Variants in FSTL1 observed in about 807,000 individuals in gnomAD.
FSTL1 encodes follistatin like 1.
FSTL1 carries 24 observed loss-of-function variants against 45.9 expected under a neutral mutation model. That is an observed-to-expected ratio of 0.52 (90% CI 0.38 to 0.74). FSTL1 has a LOEUF of 0.74. FSTL1 is among the 30% of genes least tolerant of loss of function. The pLI is 0.00. For missense variants in FSTL1, 340 were observed against 381.8 expected, an observed-to-expected ratio of 0.89 and a Z score of 0.91; for synonymous variants, 120 against 137.6, an observed-to-expected ratio of 0.87 and a Z score of 0.89.
chr3:120,410,416 C>A (rs77017394), intron 5 of FSTL1: 11,704 of 210,728 alleles, frequency 0.056, 454 homozygotes, highest in East Asian at 0.17. Flanking sequence ...ACTCACTTAG[C>A]CTCTTTGAGC....
intron 2 of FSTL1, among the ~76,000 whole-genome samples, chr3:120,432,288 T>C (rs1937490802): frequency 6.6e-6 from 1 of 152,188 alleles, no homozygotes; most frequent in Non-Finnish European, 1.5e-5. Context: ...GCACATTCTA[T>C]TCTTCTTGAG....
chr3:120,400,883 A>G (rs1220551720), intron 9 of FSTL1, among the ~76,000 whole-genome samples: 2 of 152,212 alleles, frequency 1.3e-5, no homozygotes, highest in Non-Finnish European at 2.9e-5. Flanking sequence ...GGGTTGCTCC[A>G]TGTTATACCC....
At chr3:120,400,070 G>A (rs1936791294) in intron 9 of FSTL1, 111 bp from the exon 10 acceptor site, 1 of 752,556 alleles carries the variant, frequency 1.3e-6, no homozygotes, top group Non-Finnish European at 2.3e-6. Context: ...CTTGTGGAAG[G>A]AGAGGTGAAT....
intron 7 of FSTL1, 144 bp from the exon 8 acceptor site, chr3:120,403,498 C>A: frequency 3.4e-6 from 2 of 597,010 alleles, no homozygotes; most frequent in East Asian, 2.8e-5. Context: ...TCTCTCTACA[C>A]TGACCCAACA....
At chr3:120,422,625 A>G (rs1056045346) in intron 2 of FSTL1, among the ~76,000 whole-genome samples, 2 of 152,310 alleles carry the variant, frequency 1.3e-5, no homozygotes, top group Middle Eastern at 3.4e-3. Context: ...TGACATCCAG[A>G]TAAGAGATAT....
rs147775063 is a variant in FSTL1 at position 120,448,809 on chromosome 3, G to A, written c.63+1875C>T. 4.6e-3 allele frequency among the ~76,000 whole-genome samples: 697 copies of A among 152,302 alleles called. 3 individuals are homozygous for A. The highest frequency in any genetic ancestry group is 9.6e-3 in the Admixed American group (147 of 15,306). On this transcript the variant is annotated intron_variant, in intron 2 of 10. Transcript: ENST00000295633. Reference sequence around the variant, plus strand: ...TTTTCCCTGTGTGGAAGGGGGTTGGGAGGGGTGTGTGTCTTGCAGGCCGCC... The same window carrying A: ...TTTTCCCTGTGTGGAAGGGGGTTGGAAGGGGTGTGTGTCTTGCAGGCCGCC...
intron 2 of FSTL1, among the ~76,000 whole-genome samples, chr3:120,417,642 G>C (rs964071903): frequency 6.6e-6 from 1 of 152,152 alleles, no homozygotes; most frequent in African/African-American, 2.4e-5. Flanking sequence ...CTCCAGGCAG[G>C]GCCCTCTTGT....
Position 120,450,766 on chromosome 3 carries a change from G to C in FSTL1, c.1-20C>G. On this transcript the variant is annotated intron_variant, in intron 1 of 10. Coordinates refer to ENST00000295633, the MANE Select transcript of FSTL1 (RefSeq NM_007085.5). ...CCACATCTGCGGAAGAGAGAAGAGA[G>C]CGAGTCTGAAGGCGCCGGGCCCCGC... 3 of 1,563,172 alleles carry C rather than the reference G, an allele frequency of 1.9e-6. No individual in the cohort carries two copies. Among genetic ancestry groups the C allele is most frequent in the Non-Finnish European group, 2.6e-6 (3 of 1,160,870 alleles).
chr3:120,445,438 CAG>C (rs926747047), intron 2 of FSTL1, among the ~76,000 whole-genome samples: 1 of 149,078 alleles, frequency 6.7e-6, no homozygotes, highest in African/African-American at 2.6e-5. Context: ...CATCTTTGGG[CAG>C]AGAGTCATGA....
chr3:120,437,466 C>G (rs924125957), intron 2 of FSTL1, among the ~76,000 whole-genome samples: 80 of 152,132 alleles, frequency 5.3e-4, no homozygotes, highest in African/African-American at 1.9e-3. Context: ...TAAATTAAAA[C>G]AAAACAAATT....
chr3:120,412,073 A>T, intron 3 of FSTL1, 90 bp from the exon 4 acceptor site: 1 of 1,127,742 alleles, frequency 8.9e-7, no homozygotes, highest in Non-Finnish European at 1.3e-6. Context: ...ACACACACAG[A>T]GCCATTTTGT....
intron 2 of FSTL1, among the ~76,000 whole-genome samples, chr3:120,429,391 C>T (rs544643172): frequency 2.6e-5 from 4 of 152,334 alleles, no homozygotes. Context: ...TTTTATCATC[C>T]AAATGGGGAC....
intron 2 of FSTL1, among the ~76,000 whole-genome samples, chr3:120,427,252 C>A (rs763910429): frequency 7.9e-5 from 12 of 152,146 alleles, no homozygotes; most frequent in Non-Finnish European, 1.6e-4. Flanking sequence ...ATGAATTCCC[C>A]CTTCCTTCTC....
At position 120,409,439 on chromosome 3, in the gene FSTL1, T is replaced by A. The variant is rs1350669093; in HGVS notation, c.462+93A>T. ...TCAGGGTGTCTGTGCAGGTTTACAT[T>A]TCCTGTGGTCTGGGAAGGTGTGATC... On this transcript the variant is annotated intron_variant, in intron 6 of 10. Coordinates refer to ENST00000295633, the MANE Select transcript of FSTL1 (RefSeq NM_007085.5). 1.1e-5 allele frequency: 13 copies of A among 1,143,606 alleles called. No homozygotes were observed. In the East Asian group the frequency reaches 3.1e-4, roughly 27 times the overall value. 70.8% of individuals were successfully genotyped at this position (1,143,606 alleles called of 1,614,324 possible).
At chr3:120,398,971 G>A (rs1046399869) in intron 10 of FSTL1, among the ~76,000 whole-genome samples, 1 of 152,142 alleles carries the variant, frequency 6.6e-6, no homozygotes, top group Non-Finnish European at 1.5e-5. Flanking sequence ...TACTATCAGT[G>A]ACAATGATGA....
intron 2 of FSTL1, among the ~76,000 whole-genome samples, chr3:120,416,298 T>G (rs1937186273): frequency 6.6e-6 from 1 of 152,152 alleles, no homozygotes; most frequent in South Asian, 2.1e-4. Flanking sequence ...CTTGCATGCT[T>G]CCTTTCTTCT....
chr3:120,447,037 G>GT (rs1460700569), intron 2 of FSTL1, among the ~76,000 whole-genome samples: 1 of 152,196 alleles, frequency 6.6e-6, no homozygotes, highest in Non-Finnish European at 1.5e-5. Context: ...CACCAAGGGA[G>GT]AGTGGGGGTA....
At chr3:120,411,686 A>G (rs1470816974) in intron 4 of FSTL1, among the ~76,000 whole-genome samples, 168 bp downstream of exon 4, 5 of 152,264 alleles carry the variant, frequency 3.3e-5, no homozygotes, top group Admixed American at 2.0e-4. Flanking sequence ...CAAACCCAGC[A>G]GGCTCATAAG....
At chr3:120,414,539 G>C (rs1179653013) in intron 3 of FSTL1, among the ~76,000 whole-genome samples, 2 of 152,180 alleles carry the variant, frequency 1.3e-5, no homozygotes, top group East Asian at 3.8e-4. Context: ...GCGGCTTTGT[G>C]GAATAGAAAG....
Sources: allele counts gnomAD v4.1 joint callset (sites outside exome capture counted in the v4.1 genomes callset), GRCh38; gene constraint gnomAD v4.1.1; transcripts MANE v1.5; gene names NCBI Gene and HGNC (gene_info 2026-07-23, HGNC 2026-07-21).